The following PPM1B variants were observed in gnomAD, a reference collection of about 807,000 sequenced individuals.
PPM1B encodes the protein protein phosphatase, Mg2+/Mn2+ dependent 1B.
In PPM1B, 22 loss-of-function variants were observed where a neutral mutation model predicts 43.0. That is an observed-to-expected ratio of 0.51 (90% CI 0.37 to 0.73). The LOEUF (loss-of-function observed/expected upper bound fraction) is 0.73, where lower values mean the gene tolerates loss of function less well. Ranked by LOEUF, PPM1B falls within the 30% of genes least tolerant of loss-of-function variation. The pLI, the probability that PPM1B is intolerant of heterozygous loss-of-function variation, is 0.00. For missense variants in PPM1B, 632 were observed against 584.2 expected (o/e 1.08, Z -0.84); for synonymous variants, 217 against 197.9 (o/e 1.10, Z -0.81).
intron 2 of PPM1B, among the ~76,000 whole-genome samples, chr2:44,207,546 A>T (rs550271421): frequency 3.7e-4 from 57 of 152,226 alleles, no homozygotes; most frequent in Non-Finnish European, 7.5e-4. Flanking sequence ...GATTGCACAT[A>T]ATCTCATGGT....
chr2:44,214,788 C>T (rs1248894326), intron 3 of PPM1B, among the ~76,000 whole-genome samples: 1 of 152,070 alleles, frequency 6.6e-6, no homozygotes, highest in Non-Finnish European at 1.5e-5. Flanking sequence ...AGAGAGGGAG[C>T]CTAAAGTTCT....
At chr2:44,232,211 G>T, downstream of PPM1B, 2 of 1,489,170 alleles carry the variant, frequency 1.3e-6, no homozygotes, top group South Asian at 2.5e-5. Flanking sequence ...TTCAGACAAA[G>T]AAAGGAAGGT....
chr2:44,242,987 A>G (rs1376586094), intron 5 of PPM1B, among the ~76,000 whole-genome samples: 1 of 152,216 alleles, frequency 6.6e-6, no homozygotes, highest in Non-Finnish European at 1.5e-5. Context: ...GACTAAGACC[A>G]AAGGACATCT....
downstream of PPM1B, chr2:44,232,944 TAA>T: frequency 1.0e-6 from 1 of 977,792 alleles, no homozygotes; most frequent in Non-Finnish European, 1.2e-6. Context: ...TGCTTCAAGA[TAA>T]AGTGTATTTG....
chr2:44,188,328 T>G (rs1353023411), intron 1 of PPM1B, among the ~76,000 whole-genome samples: 2 of 152,034 alleles, frequency 1.3e-5, no homozygotes, highest in Non-Finnish European at 2.9e-5. Flanking sequence ...TTTGATTTAG[T>G]TTTTTCCTTC....
intron 1 of PPM1B, among the ~76,000 whole-genome samples, chr2:44,176,026 C>T (rs987974122): frequency 6.6e-6 from 1 of 151,952 alleles, no homozygotes; most frequent in Non-Finnish European, 1.5e-5. Context: ...CCTCATGATC[C>T]ACCTGCCTCG....
chr2:44,241,857 CTTT>C (rs397984437), intron 5 of PPM1B, among the ~76,000 whole-genome samples: 3 of 90,958 alleles, frequency 3.3e-5, no homozygotes, highest in Non-Finnish European at 5.7e-5. Context: ...AGAAAATAAT[CTTT>C]TTTTTTTTTT....
In PPM1B at chr2:44,230,454, G is replaced by T; in HGVS notation, c.1176G>T (p.Leu392Phe). 2 of 1,614,176 alleles carry T rather than the reference G, an allele frequency of 1.2e-6. No individual in the cohort carries two copies. Among genetic ancestry groups the T allele is most frequent in the South Asian group, 1.1e-5 (1 of 91,090 alleles). Residue 392 changes from leucine to phenylalanine, a missense_variant, in exon 6 of 6, where the codon TTG becomes TTT. Around this residue, in one of 3 missense-constraint regions of PPM1B, gnomAD observed 392 missense variants for 302.7 expected, o/e 1.29. Transcript: ENST00000282412. ...AGGAAAGTGGATCACAGGGAAAATTGGTGGAAGCTCTCAGGCAAATGAGAA... is the reference window on the plus strand; with the variant it reads ...AGGAAAGTGGATCACAGGGAAAATTTGTGGAAGCTCTCAGGCAAATGAGAA... ...EAEESGSQGK[L>F]VEALRQMRIN... is the part of the protein sequence containing the mutation.
chr2:44,237,724 A>G (rs937943925), downstream of PPM1B, among the ~76,000 whole-genome samples: 9 of 152,168 alleles, frequency 5.9e-5, no homozygotes, highest in African/African-American at 1.9e-4. Flanking sequence ...TCCATATAAC[A>G]TTCACCTATA....
At chr2:44,238,701 C>G (rs1443198297), downstream of PPM1B, among the ~76,000 whole-genome samples, 4 of 145,768 alleles carry the variant, frequency 2.7e-5, no homozygotes, top group African/African-American at 1.0e-4. Flanking sequence ...GAATCTGTCT[C>G]AAAAAAAGGA....
chr2:44,201,952 T>C lies in PPM1B; in HGVS notation c.753T>C (p.Asn251=). ...ACDGIWDVMS[N]EELCEYVKSR... ...ATGGGATCTGGGATGTTATGAGTAA[T>C]GAGGAGCTCTGTGAATATGTTAAAT... The change falls in exon 2 of 6, where the codon AAT becomes AAC. Residue 251 remains asparagine, a synonymous_variant. Transcript: ENST00000282412. This position sits in a 1 kb window ranked among gnomAD's most constrained non-coding sequence, Gnocchi z 5.4. The C allele has an allele frequency of 1.9e-6, 3 of 1,614,112 alleles. No individual in the cohort carries two copies. The highest frequency in any genetic ancestry group is 1.3e-5 in the African/African-American group (1 of 75,036).
At chr2:44,182,409 A>G (rs1449047144) in intron 1 of PPM1B, among the ~76,000 whole-genome samples, 9 of 151,640 alleles carry the variant, frequency 5.9e-5, no homozygotes, top group Non-Finnish European at 8.8e-5. Flanking sequence ...ACAGGCATGC[A>G]CCACCATGCC....
chr2:44,186,514 G>A (rs1668124734), intron 1 of PPM1B, among the ~76,000 whole-genome samples: 2 of 151,866 alleles, frequency 1.3e-5, no homozygotes, highest in Non-Finnish European at 2.9e-5. Context: ...GGCTACAGGC[G>A]CACACCACCG....
At chr2:44,226,735 CTTT>C (rs60750702) in intron 5 of PPM1B, among the ~76,000 whole-genome samples, 1,119 of 66,800 alleles carry the variant, frequency 0.017, 3 homozygotes, top group Middle Eastern at 0.1. Flanking sequence ...AGGTTTTTAT[CTTT>C]TTTTTTTTTT....
At position 44,201,076 on chromosome 2, in the gene PPM1B, A is replaced by G. The variant is rs1331036767; in HGVS notation, c.-14-110A>G. ...TTTGTTGTTGCTCCCGTAAATTAGGATAATACTAAAAAAAATACTTGAGGT... is the reference window on the plus strand; with the variant it reads ...TTTGTTGTTGCTCCCGTAAATTAGGGTAATACTAAAAAAAATACTTGAGGT... On this transcript the variant is annotated intron_variant, in intron 1 of 5. Transcript: ENST00000282412. This position sits in a 1 kb window ranked among gnomAD's most constrained non-coding sequence, Gnocchi z 5.4. 6.9e-6 allele frequency: 8 copies of G among 1,166,550 alleles called. No homozygotes were observed. The highest frequency in any genetic ancestry group is 3.5e-5 in the South Asian group (2 of 57,608). 72.3% of individuals were successfully genotyped at this position (1,166,550 alleles called of 1,614,324 possible). A position where few individuals can be genotyped will look rare whatever the true frequency, so the allele number is the denominator to read the frequency against.
intron 1 of PPM1B, among the ~76,000 whole-genome samples, chr2:44,170,131 T>TA (rs1667258786): frequency 1.3e-5 from 2 of 152,228 alleles, no homozygotes; most frequent in South Asian, 4.1e-4. Context: ...TGACCTCTCA[T>TA]ATCAGATTTA....
intron 1 of PPM1B, among the ~76,000 whole-genome samples, chr2:44,194,679 C>T (rs1037365955): frequency 1.3e-5 from 2 of 151,284 alleles, no homozygotes; most frequent in Admixed American, 6.6e-5. Context: ...GCCGAGATCG[C>T]GCTACTGCAC....
intron 1 of PPM1B, among the ~76,000 whole-genome samples, chr2:44,182,414 C>T (rs1283969499): frequency 4.6e-5 from 7 of 152,026 alleles, no homozygotes; most frequent in Non-Finnish European, 8.8e-5. Flanking sequence ...CATGCACCAC[C>T]ATGCCTGGCT....
downstream of PPM1B, among the ~76,000 whole-genome samples, chr2:44,244,878 A>G (rs940384659): frequency 1.4e-5 from 2 of 146,964 alleles, no homozygotes; most frequent in Non-Finnish European, 1.5e-5. Context: ...GTGTGTATCT[A>G]TGTGTATATA....
Sources: allele counts gnomAD v4.1 joint callset (sites outside exome capture counted in the v4.1 genomes callset), GRCh38; gene constraint gnomAD v4.1.1; regional missense constraint gnomAD v4.1.1; non-coding constraint Gnocchi (gnomAD v3.1); transcripts MANE v1.5; gene names NCBI Gene and HGNC (gene_info 2026-07-23, HGNC 2026-07-21).